The following CFAP20DC variants were observed in gnomAD, a reference collection of about 807,000 sequenced individuals.
The protein encoded by CFAP20DC is protein CFAP20DC.
Under a neutral mutation model 101.7 loss-of-function variants are expected in CFAP20DC, and 84 were observed. The observed-to-expected ratio is 0.83, with a 90% CI of 0.69 to 0.99. The LOEUF is 0.99. CFAP20DC is among the 50% of genes least tolerant of loss of function. The pLI, the probability that CFAP20DC is intolerant of heterozygous loss-of-function variation, is 0.00. For synonymous variants in CFAP20DC, 359 were observed against 351.2 expected (o/e 1.02, Z -0.25); for missense variants, 1,007 against 970.3 (o/e 1.04, Z -0.50).
At chr3:58,801,520 T>A (rs2073701348) in intron 15 of CFAP20DC, among the ~76,000 whole-genome samples, 1 of 152,214 alleles carries the variant, frequency 6.6e-6, no homozygotes, top group Admixed American at 6.5e-5. Context: ...AGTTCTGTAC[T>A]TAATTTTATT....
At chr3:58,841,743 T>C (rs2077126364) in intron 13 of CFAP20DC, among the ~76,000 whole-genome samples, 1 of 152,252 alleles carries the variant, frequency 6.6e-6, no homozygotes, top group Non-Finnish European at 1.5e-5. Flanking sequence ...TTAAAAGTCA[T>C]GTCTCTTTCT....
At position 58,983,628 on chromosome 3, in the gene CFAP20DC, T is replaced by G. The variant is rs370564576; in HGVS notation, c.279-45866A>C. Among the ~76,000 whole-genome samples the G allele has an allele frequency of 2.6e-5, 4 of 152,302 alleles. No individual in the cohort carries two copies. In the South Asian group the frequency reaches 8.3e-4, roughly 32 times the overall value. On this transcript the variant is annotated intron_variant, in intron 4 of 16. Coordinates refer to ENST00000482387, the MANE Select transcript of CFAP20DC (RefSeq NM_001394063.1). ...TAGGGTAAATATTTTATCATCCAAA[T>G]TTAATAATAATCACCATAACACACC...
At chr3:58,993,535 T>C (rs2093009396) in intron 4 of CFAP20DC, among the ~76,000 whole-genome samples, 1 of 152,110 alleles carries the variant, frequency 6.6e-6, no homozygotes, top group Admixed American at 6.6e-5. Flanking sequence ...ATCACCTAGG[T>C]ATTAAGCTCA....
At chr3:58,981,987 C>A (rs2108510486) in intron 4 of CFAP20DC, among the ~76,000 whole-genome samples, 1 of 152,182 alleles carries the variant, frequency 6.6e-6, no homozygotes, top group Admixed American at 6.5e-5. Flanking sequence ...CCAGAATCTA[C>A]AATGAACTCA....
At chr3:58,819,390 T>G (rs1156843727) in intron 14 of CFAP20DC, among the ~76,000 whole-genome samples, 4 of 151,490 alleles carry the variant, frequency 2.6e-5, no homozygotes, top group Non-Finnish European at 5.9e-5. Context: ...TTGATAGACC[T>G]CCAGCAAGAC....
rs1055593724 is a variant in CFAP20DC, at chr3:58,879,302, T to C, written c.715+5243A>G. Among the ~76,000 whole-genome samples, 7 of 152,320 alleles carry C rather than the reference T, an allele frequency of 4.6e-5. No individual in the cohort carries two copies. In the South Asian group the frequency reaches 6.2e-4, roughly 14 times the overall value. ...CATTGAAATATCATGTTGTACCCCA[T>C]AAATTTGTACAATTATTATGTGTCA... On this transcript the variant is annotated intron_variant, in intron 7 of 16. Coordinates refer to ENST00000482387, the MANE Select transcript of CFAP20DC (RefSeq NM_001394063.1).
At chr3:58,805,475 G>C (rs1365289380) in intron 15 of CFAP20DC, among the ~76,000 whole-genome samples, 2 of 152,034 alleles carry the variant, frequency 1.3e-5, no homozygotes, top group Non-Finnish European at 2.9e-5. Flanking sequence ...ATCTCTTTCT[G>C]TCTTTTAATA....
At chr3:58,725,414 C>T (rs1177370186) in intron 3 of CFAP20DC, among the ~76,000 whole-genome samples, 1 of 152,186 alleles carries the variant, frequency 6.6e-6, no homozygotes, top group African/African-American at 2.4e-5. Flanking sequence ...TTTCCCCCTG[C>T]TTCTGCTGGC....
chr3:58,947,741 C>G (rs904634321), intron 4 of CFAP20DC, among the ~76,000 whole-genome samples: 12 of 152,130 alleles, frequency 7.9e-5, no homozygotes, highest in African/African-American at 2.2e-4. Flanking sequence ...AAATACGGTG[C>G]AAGTAGTCTA....
In CFAP20DC at chr3:58,729,512, C is replaced by A. The variant is rs752379402; in HGVS notation, c.198-11884G>T. ...TAGATAAAAGAGTTGTTTTAAGACA[C>A]TAGATAAGTTTGTTAATTTTAGTAA... is the stretch of plus-strand genomic sequence containing the variant. On this transcript the variant is annotated intron_variant, in intron 3 of 3. Transcript: ENST00000486145. The surrounding 1 kb of genome is among the most constrained non-coding windows in gnomAD (Gnocchi z 4.4). 2.6e-5 allele frequency among the ~76,000 whole-genome samples: 4 copies of A among 151,982 alleles called. No homozygotes were observed. Among genetic ancestry groups the A allele is most frequent in the Non-Finnish European group, 5.9e-5 (4 of 68,004 alleles).
Position 58,863,848 on chromosome 3 carries a change from C to A in CFAP20DC, c.1303G>T (p.Ala435Ser). The A allele has an allele frequency of 6.2e-7, 1 of 1,613,788 alleles. No homozygotes were observed. The highest frequency in any genetic ancestry group is 8.5e-7 in the Non-Finnish European group (1 of 1,179,838). Residue 435 changes from alanine (A) to serine (S), a missense_variant, in exon 12 of 17, where the codon GCA becomes TCA. Transcript: ENST00000482387. The surrounding 1 kb of genome is among the most constrained non-coding windows in gnomAD (Gnocchi z 5.9). ...AGAAGTAGAGACTGTCTGCTGGATG[C>A]CAGATATGAAATGTGATCAGCATTT... ...PENADHISYL[A>S]SSRQSLLLGD...
chr3:58,794,586 A>T (rs542959672), intron 15 of CFAP20DC, among the ~76,000 whole-genome samples: 2 of 152,206 alleles, frequency 1.3e-5, no homozygotes, highest in Non-Finnish European at 2.9e-5. Context: ...ATCAATTTCA[A>T]AATGTAATGT....
intron 6 of CFAP20DC, among the ~76,000 whole-genome samples, chr3:58,906,232 G>A (rs970291754): frequency 6.6e-6 from 1 of 152,058 alleles, no homozygotes; most frequent in African/African-American, 2.4e-5. Context: ...CCCCACTACC[G>A]TCATTATTAT....
At chr3:58,822,396 A>G (rs1222027023) in intron 14 of CFAP20DC, among the ~76,000 whole-genome samples, 1 of 149,328 alleles carries the variant, frequency 6.7e-6, no homozygotes, top group African/African-American at 2.5e-5. Flanking sequence ...ATGAGATCAC[A>G]TGGACACAGG....
At chr3:58,978,339 T>C (rs1270801507) in intron 4 of CFAP20DC, among the ~76,000 whole-genome samples, 1 of 152,144 alleles carries the variant, frequency 6.6e-6, no homozygotes, top group African/African-American at 2.4e-5. Context: ...TTTCTCAAGA[T>C]TGCAAATCTC....
intron 4 of CFAP20DC, among the ~76,000 whole-genome samples, chr3:58,947,277 C>A (rs1046777177): frequency 6.6e-6 from 1 of 152,174 alleles, no homozygotes; most frequent in African/African-American, 2.4e-5. Context: ...CATGAGCGAA[C>A]TTCCCTGGCA....
downstream of CFAP20DC, among the ~76,000 whole-genome samples, chr3:58,716,742 C>T (rs555225257): frequency 2.6e-5 from 4 of 152,244 alleles, no homozygotes; most frequent in African/African-American, 9.6e-5. Context: ...TCCTATGGCT[C>T]AGGTGGCAGA....
intron 13 of CFAP20DC, among the ~76,000 whole-genome samples, chr3:58,844,610 G>C (rs1399220405): frequency 8.6e-6 from 1 of 115,674 alleles, no homozygotes. Flanking sequence ...CAACGAGACA[G>C]AAAGTCAACA....
intron 4 of CFAP20DC, among the ~76,000 whole-genome samples, chr3:58,982,874 G>A (rs1367862588): frequency 1.3e-5 from 2 of 151,742 alleles, no homozygotes; most frequent in African/African-American, 4.9e-5. Context: ...AACAAAAAAA[G>A]TTTCTAGAAT....
Sources: allele counts gnomAD v4.1 joint callset (sites outside exome capture counted in the v4.1 genomes callset), GRCh38; gene constraint gnomAD v4.1.1; non-coding constraint Gnocchi (gnomAD v3.1); transcripts MANE v1.5; gene names NCBI Gene and HGNC (gene_info 2026-07-23, HGNC 2026-07-21).